The following ERMP1 variants were observed in gnomAD, a reference collection of about 807,000 sequenced individuals.
The protein encoded by ERMP1 is endoplasmic reticulum metallopeptidase 1, also known as Felix-ina.
Under a neutral mutation model 92.0 loss-of-function variants are expected in ERMP1, and 86 were observed. That is an observed-to-expected ratio of 0.93 (90% confidence interval 0.79 to 1.12). ERMP1 has a LOEUF of 1.12. Among genes scored for constraint, ERMP1 ranks in the 50% most tolerant of loss-of-function variants. ERMP1 has a pLI of 0.00. For missense variants in ERMP1, 1,342 were observed against 1,116.3 expected (o/e 1.20, Z -2.88); for synonymous variants, 530 against 412.8 (o/e 1.28, Z -3.44).
At chr9:5,852,035 T>C (rs1328094477) in intron 6 of ERMP1, among the ~76,000 whole-genome samples, 1 of 152,198 alleles carries the variant, frequency 6.6e-6, no homozygotes, top group Non-Finnish European at 1.5e-5. Flanking sequence ...TCTAAGATTA[T>C]ATAGACGTTT....
At chr9:5,817,433 GC>G (rs1407826992) in intron 4 of ERMP1, among the ~76,000 whole-genome samples, 1 of 152,070 alleles carries the variant, frequency 6.6e-6, no homozygotes, top group Non-Finnish European at 1.5e-5. Flanking sequence ...CAGGTGATCC[GC>G]CCGCCTTGGC....
At position 5,832,673 on chromosome 9, in the gene ERMP1, G is replaced by A. The variant is rs894662086; in HGVS notation, c.338+17C>T. On this transcript the variant is annotated intron_variant, in intron 1 of 14. Transcript: ENST00000339450. ...CAAACGGACGCGCGGGCCGTGCCAG[G>A]AGGGAGCGGCCGGTACCTGGCTTGG... 2.8e-6 allele frequency: 4 copies of A among 1,409,558 alleles called. No individual in the cohort carries two copies. The highest frequency in any genetic ancestry group is 2.8e-6 in the Non-Finnish European group (3 of 1,087,758). 87.3% of individuals were successfully genotyped at this position (1,409,558 alleles called of 1,614,324 possible).
upstream of ERMP1, chr9:5,833,217 C>A (rs933596689): frequency 1.1e-5 from 6 of 524,258 alleles, no homozygotes; most frequent in Admixed American, 8.7e-5. Context: ...GTGCACACAG[C>A]TGCAGGGCCG....
rs1187668750 is a variant in ERMP1 at position 5,832,903 on chromosome 9, C to T, written c.125G>A (p.Gly42Glu). The change falls in exon 1 of 15, where the codon GGG becomes GAG. Residue 42 changes from glycine to glutamate, a missense_variant. Transcript: ENST00000339450. ...EARAQEPLVD[G>E]CSGGGRTRKR... ...CCGCGTCCTCCCGCCGCCGCTGCACCCATCCACCAGAGGCTCCTGCGCTCG... is the reference window on the plus strand; with the variant it reads ...CCGCGTCCTCCCGCCGCCGCTGCACTCATCCACCAGAGGCTCCTGCGCTCG... The T allele has an allele frequency of 4.5e-6, 7 of 1,559,196 alleles. No homozygotes were observed. Among genetic ancestry groups the T allele is most frequent in the Non-Finnish European group, 5.2e-6 (6 of 1,163,300 alleles).
chr9:5,830,071 G>A (rs868447511), intron 2 of ERMP1, among the ~76,000 whole-genome samples: 1 of 152,150 alleles, frequency 6.6e-6, no homozygotes, highest in African/African-American at 2.4e-5. Context: ...ACCCTCAGTG[G>A]AGCAAAATTC....
rs1042537966 is a variant in ERMP1 at position 5,861,718 on chromosome 9, T to TG, written n.3056-2108_3056-2107insC. On this transcript the variant is annotated intron_variant and non_coding_transcript_variant, in intron 5 of 6. Coordinates refer to the ERMP1 transcript ENST00000690753. ...TTGACCCCAGAGAAGAGAGGAAGGG[T>TG]TTTTTTTTTTTTTTTTTTTTTTTGG... 0.028 allele frequency among the ~76,000 whole-genome samples: 77 copies of TG among 2,756 alleles called. No homozygotes were observed. In the East Asian group the frequency reaches 0.37, roughly 13 times the overall value. The allele number at this position is 2,756 out of a possible 152,430, so 1.8% of individuals were successfully genotyped here. A position where few individuals can be genotyped will look rare whatever the true frequency, so the allele number is the denominator to read the frequency against.
intron 2 of ERMP1, among the ~76,000 whole-genome samples, chr9:5,827,293 T>A (rs1433127567): frequency 6.6e-6 from 1 of 152,184 alleles, no homozygotes; most frequent in African/African-American, 2.4e-5. Flanking sequence ...ATGGGCCACA[T>A]TAAGAGAAGA....
chr9:5,863,786 T>C (rs1333561008), intron 5 of ERMP1, among the ~76,000 whole-genome samples: 2 of 152,248 alleles, frequency 1.3e-5, no homozygotes, highest in Non-Finnish European at 2.9e-5. Context: ...GTATCTTTTA[T>C]TATTATAATT....
intron 6 of ERMP1, among the ~76,000 whole-genome samples, chr9:5,850,593 G>A (rs1044254493): frequency 2.6e-5 from 4 of 151,968 alleles, no homozygotes; most frequent in African/African-American, 9.7e-5. Context: ...CACTGTCAGT[G>A]GTTCTCTACT....
At chr9:5,820,600 A>C (rs1234960380) in intron 4 of ERMP1, among the ~76,000 whole-genome samples, 1 of 152,228 alleles carries the variant, frequency 6.6e-6, no homozygotes, top group African/African-American at 2.4e-5. Context: ...AAAATTAGGT[A>C]GTAATGATTA....
chr9:5,833,982 T>A (rs568417809), upstream of ERMP1, among the ~76,000 whole-genome samples: 1 of 152,352 alleles, frequency 6.6e-6, no homozygotes, highest in Non-Finnish European at 1.5e-5. Context: ...AGCTTGGAGT[T>A]GCTACATTAG....
intron 6 of ERMP1, among the ~76,000 whole-genome samples, chr9:5,846,647 G>T (rs868774526): frequency 3.3e-5 from 5 of 152,152 alleles, no homozygotes; most frequent in African/African-American, 1.2e-4. Flanking sequence ...ACTCCCGTGG[G>T]TGTGAAGGGG....
At chr9:5,828,446 T>C (rs1300628497) in intron 2 of ERMP1, among the ~76,000 whole-genome samples, 2 of 152,200 alleles carry the variant, frequency 1.3e-5, no homozygotes, top group South Asian at 2.1e-4. Context: ...GAAAGACAAC[T>C]TTAAACTTTT....
chr9:5,818,576 A>C (rs1829409283), intron 4 of ERMP1, among the ~76,000 whole-genome samples: 1 of 152,046 alleles, frequency 6.6e-6, no homozygotes, highest in Non-Finnish European at 1.5e-5. Context: ...CTGGCTGGGC[A>C]TGGTGGCACG....
intron 9 of ERMP1, among the ~76,000 whole-genome samples, 184 bp downstream of exon 9, chr9:5,805,427 A>G (rs1399182933): frequency 1.3e-5 from 2 of 152,210 alleles, no homozygotes; most frequent in African/African-American, 4.8e-5. Flanking sequence ...ATATATTAGT[A>G]TGTGTTCACA....
chr9:5,803,924 A>G (rs1033925978), intron 10 of ERMP1, among the ~76,000 whole-genome samples: 1 of 152,180 alleles, frequency 6.6e-6, no homozygotes, highest in African/African-American at 2.4e-5. Flanking sequence ...AATATGCATA[A>G]GAATTACTCT....
chr9:5,811,297 G>A lies in ERMP1; in HGVS notation c.1141C>T (p.His381Tyr). 6.2e-7 allele frequency: 1 copy of A among 1,612,832 alleles called. No homozygotes were observed. The highest frequency in any genetic ancestry group is 8.5e-7 in the Non-Finnish European group (1 of 1,179,598). The stretch of plus-strand genomic sequence containing the variant: ...GCCAGCATATCAGATGTAGCTAGAT[G>A]CTTAAGAACTGCTAAAATGTTGTCA... ...AGDNILAVLK[H>Y]LATSDMLAAA... Residue 381 changes from histidine to tyrosine, a missense_variant, in exon 7 of 15, where the codon CAT becomes TAT. By Grantham distance (83) the His-to-Tyr change is moderately conservative. Coordinates refer to ENST00000339450, the MANE Select transcript of ERMP1 (RefSeq NM_024896.3).
chr9:5,831,330 G>A (rs1317462518), intron 1 of ERMP1, among the ~76,000 whole-genome samples: 1 of 152,182 alleles, frequency 6.6e-6, no homozygotes, highest in Admixed American at 6.5e-5. Flanking sequence ...CACTGGCCAG[G>A]CACGGTGGCT....
At position 5,832,781 on chromosome 9, in the gene ERMP1, C is replaced by T. The variant is rs768129459; in HGVS notation, c.247G>A (p.Ala83Thr). The change falls in exon 1 of 15, where the codon GCG (alanine) becomes ACG (threonine). Residue 83 changes from alanine to threonine, a missense_variant. Ala to Thr is a moderately conservative substitution (Grantham distance 58). Transcript: ENST00000339450. ...GAGAGCTGCACCAGCGTCCGCAGCG[C>T]GATCAGGTAGAGCGCGAGCCCCAGC... ...AALGLALYLI[A>T]LRTLVQLSLQ... 6.7e-6 allele frequency: 10 copies of T among 1,500,642 alleles called. No individual in the cohort carries two copies. In the African/African-American group the frequency reaches 1.3e-4, roughly 20 times the overall value. The allele number at this position is 1,500,642 out of a possible 1,614,324, so 93.0% of individuals were successfully genotyped here.
Sources: allele counts gnomAD v4.1 joint callset (sites outside exome capture counted in the v4.1 genomes callset), GRCh38; gene constraint gnomAD v4.1.1; transcripts MANE v1.5; gene names NCBI Gene and HGNC (gene_info 2026-07-23, HGNC 2026-07-21).